Variants in COLEC12 observed in about 807,000 individuals in gnomAD.
COLEC12 encodes collectin subfamily member 12.
A neutral mutation model predicts 71.1 loss-of-function variants in COLEC12; 33 were observed. The observed-to-expected ratio is 0.46, with a 90% confidence interval of 0.35 to 0.62. The LOEUF (loss-of-function observed/expected upper bound fraction) is 0.62. COLEC12 is among the 20% of genes least tolerant of loss of function. The probability of loss-of-function intolerance (pLI) is 0.00; values close to 1 mark genes in which losing one functional copy is unlikely to be tolerated. For synonymous variants in COLEC12, 350 were observed against 353.0 expected (o/e 0.99, Z 0.10); for missense variants, 765 against 916.1 (o/e 0.84, Z 2.13).
At position 408,292 on chromosome 18, in the gene COLEC12, C is replaced by T. The variant is rs1915827468; in HGVS notation, c.59-50770G>A. Among the ~76,000 whole-genome samples, 3 of 152,252 alleles carry T rather than the reference C, an allele frequency of 2.0e-5. No homozygotes were observed. Among genetic ancestry groups the T allele is most frequent in the African/African-American group, 4.8e-5 (2 of 41,518 alleles). On this transcript the variant is annotated intron_variant, in intron 2 of 9. Coordinates refer to ENST00000400256, the MANE Select transcript of COLEC12 (RefSeq NM_130386.3). This position sits in a 1 kb window ranked among gnomAD's most constrained non-coding sequence, Gnocchi z 4.3. ...ATTAAAAGGTCAGCACAGTGCCTGG[C>T]CCCTGATACCTGCAAATGTCAGTCT...
At chr18:332,246 T>C (rs1244972882) in intron 7 of COLEC12, among the ~76,000 whole-genome samples, 2 of 152,244 alleles carry the variant, frequency 1.3e-5, no homozygotes, top group Non-Finnish European at 2.9e-5. Flanking sequence ...GGTCTGTGTA[T>C]TCTAAAGCCC....
intron 2 of COLEC12, among the ~76,000 whole-genome samples, chr18:391,231 G>A (rs1388826094): frequency 1.3e-5 from 2 of 152,172 alleles, no homozygotes; most frequent in Non-Finnish European, 2.9e-5. Context: ...AGCCAAAAGA[G>A]ACTCAGGAGA....
intron 2 of COLEC12, among the ~76,000 whole-genome samples, chr18:451,235 A>T (rs889315295): frequency 2.0e-5 from 3 of 152,234 alleles, no homozygotes; most frequent in African/African-American, 7.2e-5. Flanking sequence ...CACATATGTT[A>T]TGACCATTTC....
intron 2 of COLEC12, among the ~76,000 whole-genome samples, chr18:450,084 T>C (rs1015515719): frequency 2.0e-5 from 3 of 152,230 alleles, no homozygotes; most frequent in African/African-American, 7.2e-5. Context: ...CTTGCATTAG[T>C]GGACATTTAA....
At chr18:402,183 C>A (rs1418498513) in intron 2 of COLEC12, among the ~76,000 whole-genome samples, 3 of 152,072 alleles carry the variant, frequency 2.0e-5, no homozygotes, top group Non-Finnish European at 2.9e-5. Flanking sequence ...CTGGCCCAAG[C>A]AAGAGACTCA....
intron 3 of COLEC12, among the ~76,000 whole-genome samples, chr18:356,200 G>A (rs944293513): frequency 1.3e-5 from 2 of 152,156 alleles, no homozygotes; most frequent in Non-Finnish European, 2.9e-5. Flanking sequence ...AGCTATAGGA[G>A]AGATTCTTCA....
rs550615260 is a variant in COLEC12, at chr18:359,816, C to G, written c.59-2294G>C. ...ACTGATCTATAACTGTGCTCAATAA[C>G]TTTTGATGGGTAAGTCATGAGGATT... is the stretch of plus-strand genomic sequence containing the variant. On this transcript the variant is annotated intron_variant, in intron 2 of 9. Transcript: ENST00000400256. 2.0e-5 allele frequency among the ~76,000 whole-genome samples: 3 copies of G among 152,350 alleles called. No homozygotes were observed. In the South Asian group the frequency reaches 6.2e-4, roughly 32 times the overall value.
chr18:409,702 T>C (rs1915856834), intron 2 of COLEC12, among the ~76,000 whole-genome samples: 1 of 152,216 alleles, frequency 6.6e-6, no homozygotes, highest in Admixed American at 6.5e-5. Flanking sequence ...ATTGTGAAAT[T>C]GTTCACTTTG....
At chr18:348,252 C>G (rs1443833915) in intron 3 of COLEC12, 89 bp from the exon 4 acceptor site, 13 of 798,348 alleles carry the variant, frequency 1.6e-5, no homozygotes, top group Admixed American at 4.4e-5. Flanking sequence ...CATTATGGAA[C>G]AAAGGAAACA....
At chr18:385,059 C>A (rs1209366161) in intron 2 of COLEC12, among the ~76,000 whole-genome samples, 1 of 152,184 alleles carries the variant, frequency 6.6e-6, no homozygotes, top group Admixed American at 6.5e-5. Context: ...GAGACCCCTG[C>A]TGTTTACATG....
intron 2 of COLEC12, among the ~76,000 whole-genome samples, chr18:422,492 G>T (rs1420055882): frequency 6.6e-6 from 1 of 152,080 alleles, no homozygotes; most frequent in East Asian, 1.9e-4. Context: ...CATATGCTAA[G>T]AACTCAAGAT....
At chr18:363,035 G>T (rs1028347407) in intron 2 of COLEC12, among the ~76,000 whole-genome samples, 3 of 152,070 alleles carry the variant, frequency 2.0e-5, no homozygotes, top group South Asian at 2.1e-4. Flanking sequence ...AAGCTGGCAG[G>T]GGGGGAATGG....
At chr18:411,528 G>T (rs968314858) in intron 2 of COLEC12, among the ~76,000 whole-genome samples, 16 of 152,150 alleles carry the variant, frequency 1.1e-4, no homozygotes, top group Admixed American at 4.6e-4. Flanking sequence ...TCTCAGAGAA[G>T]AAATAGATGA....
chr18:486,460 C>T (rs978991327), intron 1 of COLEC12, among the ~76,000 whole-genome samples: 1 of 152,228 alleles, frequency 6.6e-6, no homozygotes, highest in African/African-American at 2.4e-5. Context: ...GCTGGGATTA[C>T]AGGTGTGAGC....
At chr18:407,926 A>G (rs1915821840) in intron 2 of COLEC12, among the ~76,000 whole-genome samples, 1 of 152,214 alleles carries the variant, frequency 6.6e-6, no homozygotes, top group Non-Finnish European at 1.5e-5. Flanking sequence ...GGGGCCTGAC[A>G]TTTATATTTT....
chr18:430,786 T>C (rs1916287777), intron 2 of COLEC12, among the ~76,000 whole-genome samples: 1 of 152,194 alleles, frequency 6.6e-6, no homozygotes, highest in South Asian at 2.1e-4. Flanking sequence ...TGAAAGAACA[T>C]TTTTTAGGAC....
rs1917388503 is a variant in COLEC12, at chr18:480,297, T to G, written c.58+410A>C. On this transcript the variant is annotated intron_variant, in intron 2 of 9. Transcript: ENST00000400256. The surrounding 1 kb of genome is among the most constrained non-coding windows in gnomAD (Gnocchi z 4.1). ...TCCAGGCAGATTCTTGGAAGAAGTC[T>G]CCCTCTCACTCATCCATGAACACTG... 6.6e-6 allele frequency among the ~76,000 whole-genome samples: 1 copy of G among 152,212 alleles called. No homozygotes were observed. The highest frequency in any genetic ancestry group is 6.5e-5 in the Admixed American group (1 of 15,280).
intron 5 of COLEC12, among the ~76,000 whole-genome samples, chr18:340,886 C>A (rs1914235982): frequency 6.6e-6 from 1 of 152,222 alleles, no homozygotes; most frequent in Admixed American, 6.5e-5. Context: ...GCCTTGGAAG[C>A]ACCTTGTCCA....
At position 330,510 on chromosome 18, in the gene COLEC12, A is replaced by AT. The variant is rs1430566887; in HGVS notation, c.2063+1157dup. Among the ~76,000 whole-genome samples the AT allele has an allele frequency of 5.8e-4, 86 of 147,596 alleles. 1 individual carries two copies. Among genetic ancestry groups the AT allele is most frequent in the African/African-American group, 1.9e-3 (74 of 39,836 alleles). On this transcript the variant is annotated intron_variant, in intron 8 of 9. Transcript: ENST00000400256. ...GAGGGTTTTTTTTTTTTTTAATTTT[A>AT]TTTTTTTTATAAATTCTGCTTCATT...
Sources: allele counts gnomAD v4.1 joint callset (sites outside exome capture counted in the v4.1 genomes callset), GRCh38; gene constraint gnomAD v4.1.1; non-coding constraint Gnocchi (gnomAD v3.1); transcripts MANE v1.5; gene names NCBI Gene and HGNC (gene_info 2026-07-23, HGNC 2026-07-21).